The following PIP4K2B variants were observed in gnomAD, a reference collection of about 807,000 sequenced individuals.
The protein encoded by PIP4K2B is phosphatidylinositol-5-phosphate 4-kinase type 2 beta, also known as phosphatidylinositol 5-phosphate 4-kinase type-2 beta.
A neutral mutation model predicts 42.0 loss-of-function variants in PIP4K2B; 3 were observed. The observed-to-expected ratio is 0.07, with a 90% CI of 0.03 to 0.18. The LOEUF is 0.18. PIP4K2B is among the 10% of genes least tolerant of loss of function. The pLI is 1.00. For synonymous variants in PIP4K2B, 204 were observed against 210.1 expected (o/e 0.97, Z 0.25); for missense variants, 332 against 562.3 (o/e 0.59, Z 4.14).
intron 7 of PIP4K2B, among the ~76,000 whole-genome samples, chr17:38,777,100 T>C (rs1030062395): frequency 1.3e-5 from 2 of 152,204 alleles, no homozygotes; most frequent in Admixed American, 1.3e-4. Context: ...TGTCTTGCTC[T>C]GTTGCCCAGG....
chr17:38,796,839 C>T (rs1252985337), intron 1 of PIP4K2B, among the ~76,000 whole-genome samples: 2 of 152,264 alleles, frequency 1.3e-5, no homozygotes, highest in East Asian at 3.9e-4. Flanking sequence ...TCTCAGATGA[C>T]AAAATGTTAC....
intron 1 of PIP4K2B, among the ~76,000 whole-genome samples, chr17:38,795,112 A>AAAAAAAAAAAAAAAAAAAAAG (rs1910580324): frequency 6.6e-6 from 1 of 150,694 alleles, no homozygotes; most frequent in Admixed American, 6.6e-5. Flanking sequence ...AAAAAAAAAA[A>AAAAAAAAAAAAAAAAAAAAAG]AAAAAAAAAA....
Position 38,769,612 on chromosome 17 carries a change from C to A in PIP4K2B, c.*79G>T. Reference sequence around the variant, plus strand: ...CTCTGCTCCCACCCTCCCATCTAGCCCAAATACACCCTTCTCCCTAACTCC... The same window carrying A: ...CTCTGCTCCCACCCTCCCATCTAGCACAAATACACCCTTCTCCCTAACTCC... On this transcript the variant is annotated 3_prime_UTR_variant, in exon 10 of 10. Transcript: ENST00000619039. 1.1e-6 allele frequency: 1 copy of A among 876,042 alleles called. No homozygotes were observed. The highest frequency in any genetic ancestry group is 2.0e-6 in the Non-Finnish European group (1 of 505,848). The allele number at this position is 876,042 out of a possible 1,614,324, so 54.3% of individuals were successfully genotyped here.
Position 38,766,167 on chromosome 17 carries a change from T to C in PIP4K2B, c.*3524A>G, listed in dbSNP as rs1032749882. 6.6e-6 allele frequency: 1 copy of C among 152,346 alleles called. No individual in the cohort carries two copies. The allele number at this position is 152,346 out of a possible 1,614,324, so 9.4% of individuals were successfully genotyped here. A position where few individuals can be genotyped will look rare whatever the true frequency, so the allele number is the denominator to read the frequency against. ...TTCTAGAGGAGGGAGAGGGCCACGGTCACTGACCCCTGCAGATGGCTGGTA... is the reference window on the plus strand; with the variant it reads ...TTCTAGAGGAGGGAGAGGGCCACGGCCACTGACCCCTGCAGATGGCTGGTA... On this transcript the variant is annotated 3_prime_UTR_variant, in exon 10 of 10. Coordinates refer to ENST00000619039, the MANE Select transcript of PIP4K2B (RefSeq NM_003559.5).
At chr17:38,777,660 C>T in intron 7 of PIP4K2B, 27 bp downstream of exon 7, 1 of 1,419,226 alleles carries the variant, frequency 7.0e-7, no homozygotes, top group Non-Finnish European at 1.0e-6. Context: ...AGGAGCCTTG[C>T]AGGTGAAAAT....
In PIP4K2B at chr17:38,799,481, C is replaced by T; in HGVS notation, c.-57G>A. 2 of 1,487,556 alleles carry T rather than the reference C, an allele frequency of 1.3e-6. No homozygotes were observed. The highest frequency in any genetic ancestry group is 1.8e-6 in the Non-Finnish European group (2 of 1,127,700). 92.1% of individuals were successfully genotyped at this position (1,487,556 alleles called of 1,614,324 possible). A position where few individuals can be genotyped will look rare whatever the true frequency, so the allele number is the denominator to read the frequency against. On this transcript the variant is annotated 5_prime_UTR_variant, in exon 1 of 10. Coordinates refer to ENST00000619039, the MANE Select transcript of PIP4K2B (RefSeq NM_003559.5). This position sits in a 1 kb window ranked among gnomAD's most constrained non-coding sequence, Gnocchi z 4.4. ...GGGGGCGGCGGAGACAGCGCACAAG[C>T]CAGCGGCCTCAGGCCTCCCCCGGAC...
At position 38,799,470 on chromosome 17, in the gene PIP4K2B, C is replaced by A; in HGVS notation, c.-46G>T. 1 of 1,514,882 alleles carries A rather than the reference C, an allele frequency of 6.6e-7. No individual in the cohort carries two copies. The highest frequency in any genetic ancestry group is 2.5e-5 in the East Asian group (1 of 39,590). The allele number at this position is 1,514,882 out of a possible 1,614,324, so 93.8% of individuals were successfully genotyped here. A position where few individuals can be genotyped will look rare whatever the true frequency, so the allele number is the denominator to read the frequency against. On this transcript the variant is annotated 5_prime_UTR_variant, in exon 1 of 10. Transcript: ENST00000619039. The surrounding 1 kb of genome is among the most constrained non-coding windows in gnomAD (Gnocchi z 4.4). Reference sequence around the variant, plus strand: ...CGGCGAAAGAGGGGGGCGGCGGAGACAGCGCACAAGCCAGCGGCCTCAGGC... The same window carrying A: ...CGGCGAAAGAGGGGGGCGGCGGAGAAAGCGCACAAGCCAGCGGCCTCAGGC...
At chr17:38,777,587 C>G in intron 7 of PIP4K2B, 100 bp downstream of exon 7, 1 of 825,460 alleles carries the variant, frequency 1.2e-6, no homozygotes, top group Admixed American at 1.9e-5. Context: ...TTTGTCCATA[C>G]TCCTGGAAAG....
chr17:38,778,362 A>G lies in PIP4K2B; in HGVS notation c.665T>C (p.Val222Ala). ...HRKYDLKGST[V>A]AREASDKEKA... The stretch of plus-strand genomic sequence containing the variant: ...CTCCTTGTCGCTCGCTTCTCTGGCA[A>G]CCGTAGAACCCTGAAAGGATAAGAG... Residue 222 changes from valine (V) to alanine (A), a missense_variant, in exon 6 of 10, where the codon GTT becomes GCT. Physicochemically the swap from Val to Ala is moderately conservative, Grantham distance 64. This residue lies in a region of PIP4K2B where 16 missense variants were observed against 57.0 expected (regional missense o/e 0.28). Coordinates refer to ENST00000619039, the MANE Select transcript of PIP4K2B (RefSeq NM_003559.5). The G allele has an allele frequency of 6.2e-7, 1 of 1,614,110 alleles. No homozygotes were observed. Among genetic ancestry groups the G allele is most frequent in the Non-Finnish European group, 8.5e-7 (1 of 1,179,994 alleles).
In PIP4K2B at chr17:38,777,828, GT is replaced by G. The variant is rs779611203; in HGVS notation, c.694-29del. On this transcript the variant is annotated intron_variant, in intron 6 of 9. Transcript: ENST00000619039. ...AGGAGAGCAACAGCAGTTAGGCTGG[GT>G]AAGCCTGATTAATTCACCCCAGGGA... The G allele has an allele frequency of 4.0e-6, 6 of 1,514,754 alleles. No homozygotes were observed. In the South Asian group the frequency reaches 6.7e-5, roughly 17 times the overall value. 93.8% of individuals were successfully genotyped at this position (1,514,754 alleles called of 1,614,324 possible).
At chr17:38,771,653 G>A (rs910323496) in intron 7 of PIP4K2B, among the ~76,000 whole-genome samples, 3 of 151,710 alleles carry the variant, frequency 2.0e-5, no homozygotes, top group African/African-American at 7.3e-5. Flanking sequence ...ATGAAGAGGA[G>A]TCAGTGAGGC....
At chr17:38,793,009 A>T (rs1455721030) in intron 1 of PIP4K2B, 1 of 151,750 alleles carries the variant, frequency 6.6e-6, no homozygotes, top group East Asian at 1.9e-4. Context: ...GCTCACTGCA[A>T]CCTCCGCCTC....
chr17:38,776,218 C>T (rs8072529), intron 7 of PIP4K2B: 12,095 of 316,236 alleles, frequency 0.038, 522 homozygotes, highest in African/African-American at 0.14. Context: ...GATCCGCCCA[C>T]CTCAGCCTCC....
chr17:38,770,458 G>A lies in PIP4K2B; in HGVS notation c.1148C>T (p.Ala383Val), dbSNP rs1479509313. Residue 383 changes from alanine to valine, a missense_variant, in exon 9 of 10, where the codon GCT becomes GTT. Physicochemically the swap from Ala to Val is moderately conservative, Grantham distance 64. Coordinates refer to ENST00000619039, the MANE Select transcript of PIP4K2B (RefSeq NM_003559.5). The part of the protein sequence containing the change: ...PYDTKKKAAH[A>V]AKTVKHGAGA... ...CACCCCGTGTTTCACCGTTTTGGCAGCATGTGCAGCTTTCTTCTTTGTATC... is the reference window on the plus strand; with the variant it reads ...CACCCCGTGTTTCACCGTTTTGGCAACATGTGCAGCTTTCTTCTTTGTATC... 1 of 1,610,448 alleles carries A rather than the reference G, an allele frequency of 6.2e-7. No homozygotes were observed. Among genetic ancestry groups the A allele is most frequent in the African/African-American group, 1.3e-5 (1 of 74,804 alleles).
At chr17:38,772,369 C>T (rs1909094260) in intron 7 of PIP4K2B, among the ~76,000 whole-genome samples, 1 of 152,122 alleles carries the variant, frequency 6.6e-6, no homozygotes, top group Non-Finnish European at 1.5e-5. Flanking sequence ...CAGTGCTGCC[C>T]AGGATGCAGA....
chr17:38,786,250 C>T (rs1397010046), intron 2 of PIP4K2B, among the ~76,000 whole-genome samples: 1 of 152,124 alleles, frequency 6.6e-6, no homozygotes, highest in Non-Finnish European at 1.5e-5. Flanking sequence ...TAAAGCAGGC[C>T]CAAAATTGTG....
At chr17:38,794,516 GAAGA>G (rs905859718) in intron 1 of PIP4K2B, among the ~76,000 whole-genome samples, 5 of 131,172 alleles carry the variant, frequency 3.8e-5, no homozygotes, top group African/African-American at 1.4e-4. Flanking sequence ...AAAAGAAGAA[GAAGA>G]AAGAAAGAGC....
intron 6 of PIP4K2B, 65 bp from the exon 7 acceptor site, chr17:38,777,865 T>C: frequency 8.5e-7 from 1 of 1,175,184 alleles, no homozygotes; most frequent in African/African-American, 1.5e-5. Context: ...CACCCAACTG[T>C]TCTGCCGGGA....
In PIP4K2B at chr17:38,768,511, A is replaced by G. The variant is rs1908827694; in HGVS notation, c.*1180T>C. ...AACTAGGAAGCCACCTCACGTTTGG[A>G]CACCACACTCTAAGATGGGGGCACC... On this transcript the variant is annotated 3_prime_UTR_variant, in exon 10 of 10. Coordinates refer to ENST00000619039, the MANE Select transcript of PIP4K2B (RefSeq NM_003559.5). 1 of 152,548 alleles carries G rather than the reference A, an allele frequency of 6.6e-6. No homozygotes were observed. Among genetic ancestry groups the G allele is most frequent in the Admixed American group, 6.5e-5 (1 of 15,280 alleles). The allele number at this position is 152,548 out of a possible 1,614,324, so 9.4% of individuals were successfully genotyped here.
Sources: gnomAD v4.1 joint callset for allele counts (sites outside exome capture counted in the v4.1 genomes callset) on GRCh38, gnomAD v4.1.1 for gene constraint, gnomAD v4.1.1 regional missense constraint, Gnocchi (gnomAD v3.1) non-coding constraint, MANE v1.5 for transcripts, NCBI Gene and HGNC (gene_info 2026-07-23, HGNC 2026-07-21) for gene names.